The following ZFAND6 variants were observed in gnomAD, a reference collection of about 807,000 sequenced individuals.
The protein encoded by ZFAND6 is zinc finger AN1-type containing 6.
Under a neutral mutation model 24.5 loss-of-function variants are expected in ZFAND6, and 12 were observed. The observed-to-expected ratio is 0.49, with a 90% CI of 0.31 to 0.79. The LOEUF is 0.79. Among genes scored for constraint, ZFAND6 ranks in the 30% least tolerant of loss-of-function variants. The pLI is 0.04. For synonymous variants in ZFAND6, 92 were observed against 81.5 expected, an observed-to-expected ratio of 1.13 and a Z score of -0.69; for missense variants, 207 against 245.9, an observed-to-expected ratio of 0.84 and a Z score of 1.06.
chr15:80,063,111 T>G (rs2141772537), intron 1 of ZFAND6, among the ~76,000 whole-genome samples: 1 of 152,316 alleles, frequency 6.6e-6, no homozygotes. Context: ...TGAAACCTCT[T>G]ACTGTGGCTT....
intron 2 of ZFAND6, among the ~76,000 whole-genome samples, chr15:80,114,689 A>G (rs539350628): frequency 9.5e-4 from 144 of 152,336 alleles, no homozygotes; most frequent in African/African-American, 3.3e-3. Context: ...AATTGAGTTT[A>G]TGTTGCCATC....
chr15:80,100,380 A>G (rs1011971534), intron 2 of ZFAND6, among the ~76,000 whole-genome samples: 2 of 152,180 alleles, frequency 1.3e-5, no homozygotes, highest in African/African-American at 4.8e-5. Flanking sequence ...TTAAAATGAG[A>G]TTAGGAGAGA....
intron 1 of ZFAND6, among the ~76,000 whole-genome samples, chr15:80,071,445 T>C (rs1343462896): frequency 6.6e-6 from 1 of 152,210 alleles, no homozygotes; most frequent in Non-Finnish European, 1.5e-5. Flanking sequence ...TGCCATTTAA[T>C]CAGTCAGATA....
At chr15:80,091,416 A>G (rs1018797388) in intron 1 of ZFAND6, among the ~76,000 whole-genome samples, 1 of 152,132 alleles carries the variant, frequency 6.6e-6, no homozygotes, top group Admixed American at 6.5e-5. Context: ...AGAATAATCA[A>G]ATGTTCTTTT....
chr15:80,086,865 CTG>C (rs1381007351), intron 1 of ZFAND6, among the ~76,000 whole-genome samples: 1 of 152,212 alleles, frequency 6.6e-6, no homozygotes, highest in Non-Finnish European at 1.5e-5. Flanking sequence ...GTTTCTGTCA[CTG>C]TGAGTTTGAC....
chr15:80,122,805 G>C lies in ZFAND6; in HGVS notation c.364+5G>C. On this transcript the variant is annotated splice_donor_5th_base_variant and intron_variant, in intron 5 of 6. Transcript: ENST00000261749. The stretch of plus-strand genomic sequence containing the variant: ...CTGAAACAGAAGATGTGCAGGGTTT[G>C]TATATGAACTAGCATGTATTTTGTT... 6.2e-7 allele frequency: 1 copy of C among 1,602,692 alleles called. No individual in the cohort carries two copies. The highest frequency in any genetic ancestry group is 8.5e-7 in the Non-Finnish European group (1 of 1,170,202).
At chr15:80,093,498 C>CCTCTTTGGG (rs1366647184) in intron 1 of ZFAND6, among the ~76,000 whole-genome samples, 1 of 151,774 alleles carries the variant, frequency 6.6e-6, no homozygotes, top group Non-Finnish European at 1.5e-5. Flanking sequence ...GAGGCCGAGA[C>CCTCTTTGGG]GGGCGGAGCA....
intron 5 of ZFAND6, chr15:80,130,301 C>A (rs1437758415): frequency 3.9e-5 from 6 of 152,106 alleles, no homozygotes; most frequent in African/African-American, 2.4e-5. Flanking sequence ...AAAAAGGAAA[C>A]CCTTTGGAAT....
intron 1 of ZFAND6, chr15:80,060,429 T>A (rs2036268874): frequency 6.6e-6 from 1 of 152,196 alleles, no homozygotes; most frequent in Non-Finnish European, 1.5e-5. Flanking sequence ...ATATTTAAGT[T>A]TTAGCTACCT....
chr15:80,132,695 A>G (rs951760404), intron 6 of ZFAND6, among the ~76,000 whole-genome samples: 7 of 152,176 alleles, frequency 4.6e-5, no homozygotes, highest in African/African-American at 7.2e-5. Context: ...TGTATTTTTC[A>G]TCGTGTTTAA....
chr15:80,089,221 G>A (rs953678813), intron 1 of ZFAND6, among the ~76,000 whole-genome samples: 1 of 146,272 alleles, frequency 6.8e-6, no homozygotes, highest in Non-Finnish European at 1.5e-5. Context: ...TCCTTTGTGA[G>A]TAGGGGCCAT....
At chr15:80,127,999 A>G (rs1172071410) in intron 5 of ZFAND6, among the ~76,000 whole-genome samples, 1 of 152,254 alleles carries the variant, frequency 6.6e-6, no homozygotes, top group Non-Finnish European at 1.5e-5. Context: ...TAGAATATTC[A>G]GTCACAAAGA....
At chr15:80,090,310 G>A (rs1478479868) in intron 1 of ZFAND6, among the ~76,000 whole-genome samples, 1 of 152,128 alleles carries the variant, frequency 6.6e-6, no homozygotes, top group Non-Finnish European at 1.5e-5. Flanking sequence ...TCTTTTTGAT[G>A]TCTTAGCATG....
chr15:80,118,203 C>T (rs1379183489), intron 2 of ZFAND6, among the ~76,000 whole-genome samples: 3 of 152,036 alleles, frequency 2.0e-5, no homozygotes, highest in African/African-American at 7.2e-5. Flanking sequence ...CTCACTGCAA[C>T]CTCCGCCTTC....
chr15:80,081,273 T>C (rs987557355), intron 1 of ZFAND6, among the ~76,000 whole-genome samples: 1 of 152,204 alleles, frequency 6.6e-6, no homozygotes. Flanking sequence ...TCAGACTAGT[T>C]ACACAGTCAG....
chr15:80,078,205 C>T (rs1015535044), intron 1 of ZFAND6, among the ~76,000 whole-genome samples: 1 of 152,166 alleles, frequency 6.6e-6, no homozygotes, highest in African/African-American at 2.4e-5. Context: ...CAACACTCGC[C>T]TCTCCCCAGC....
At position 80,112,709 on chromosome 15, in the gene ZFAND6, C is replaced by T. The variant is rs919512168; in HGVS notation, c.-17-7619C>T. 8.8e-4 allele frequency: 394 copies of T among 447,224 alleles called. 1 individual carries two copies. The highest frequency in any genetic ancestry group is 1.9e-4 in the Non-Finnish European group (42 of 223,270). The allele number at this position is 447,224 out of a possible 1,614,324, so 27.7% of individuals were successfully genotyped here. A position where few individuals can be genotyped will look rare whatever the true frequency, so the allele number is the denominator to read the frequency against. On this transcript the variant is annotated intron_variant, in intron 2 of 6. Coordinates refer to ENST00000261749, the MANE Select transcript of ZFAND6 (RefSeq NM_019006.4). ...CTGCACCTGGCCAGATTTTTTTTAT[C>T]ATCTCTGCAAAAAGGTTACTGCTGC... is the stretch of plus-strand genomic sequence containing the variant.
intron 2 of ZFAND6, among the ~76,000 whole-genome samples, chr15:80,100,106 A>C (rs2038956681): frequency 6.6e-6 from 1 of 152,214 alleles, no homozygotes; most frequent in African/African-American, 2.4e-5. Flanking sequence ...CTAATCTTTC[A>C]GTATTTCTAG....
intron 5 of ZFAND6, among the ~76,000 whole-genome samples, chr15:80,127,744 G>C (rs1223848435): frequency 2.0e-5 from 3 of 152,080 alleles, no homozygotes; most frequent in Non-Finnish European, 4.4e-5. Context: ...CTCCTGCCTT[G>C]GTGGGAGTGT....
Sources: gnomAD v4.1 joint callset for allele counts (sites outside exome capture counted in the v4.1 genomes callset) on GRCh38, gnomAD v4.1.1 for gene constraint, MANE v1.5 for transcripts, NCBI Gene and HGNC (gene_info 2026-07-23, HGNC 2026-07-21) for gene names.